The following LMO4 variants were observed in gnomAD, a reference collection of about 807,000 sequenced individuals.
LMO4 encodes the protein LIM domain only 4, also known as LIM domain transcription factor LMO4.
A neutral mutation model predicts 18.5 loss-of-function variants in LMO4; 3 were observed. The ratio of observed to expected loss-of-function variants is 0.16; its 90% CI spans 0.07 to 0.42. The LOEUF is 0.42. LMO4 is among the 10% of genes least tolerant of loss of function. The probability of loss-of-function intolerance (pLI) is 0.99; values close to 1 mark genes in which losing one functional copy is unlikely to be tolerated. For synonymous variants in LMO4, 100 were observed against 88.1 expected, an observed-to-expected ratio of 1.14 and a Z score of -0.76; for missense variants, 121 against 219.9, an observed-to-expected ratio of 0.55 and a Z score of 2.84.
intron 2 of LMO4, among the ~76,000 whole-genome samples, chr1:87,332,614 G>C (rs917223447): frequency 1.3e-5 from 2 of 152,102 alleles, no homozygotes; most frequent in Admixed American, 1.3e-4. Context: ...AAACAAGGTA[G>C]GAACTCACAG....
intron 2 of LMO4, among the ~76,000 whole-genome samples, chr1:87,336,977 AACAC>A (rs543810100): frequency 2.0e-5 from 3 of 151,878 alleles, no homozygotes; most frequent in South Asian, 2.1e-4. Flanking sequence ...GTTGTGAAAA[AACAC>A]ACACACACAC....
chr1:87,344,552 T>C (rs1256519564), intron 4 of LMO4, among the ~76,000 whole-genome samples: 1 of 152,208 alleles, frequency 6.6e-6, no homozygotes, highest in African/African-American at 2.4e-5. Flanking sequence ...CCAGAAACTT[T>C]CTGAGCGTCC....
At chr1:87,331,788 G>T (rs1557612806) in intron 1 of LMO4, 1 of 557,354 alleles carries the variant, frequency 1.8e-6, no homozygotes. Flanking sequence ...AGAGGAGCTC[G>T]TGGCCCCAGA....
intron 2 of LMO4, among the ~76,000 whole-genome samples, chr1:87,334,510 G>C (rs1011218820): frequency 2.0e-5 from 3 of 152,202 alleles, no homozygotes; most frequent in African/African-American, 7.2e-5. Flanking sequence ...AGCTTTCAAT[G>C]CCGCAGGGAC....
chr1:87,332,356 GCCTTCACCTC>G, intron 2 of LMO4, 105 bp downstream of exon 2: 1 of 802,640 alleles, frequency 1.2e-6, no homozygotes, highest in Admixed American at 2.7e-5. Context: ...GGAGTATGCA[GCCTTCACCTC>G]AAAAATCTTC....
intron 2 of LMO4, among the ~76,000 whole-genome samples, chr1:87,337,612 G>T (rs551799405): frequency 6.6e-6 from 1 of 152,310 alleles, no homozygotes; most frequent in African/African-American, 2.4e-5. Context: ...TCCTCAGCAT[G>T]TATTTGGCCA....
intron 2 of LMO4, 37 bp from the exon 3 acceptor site, chr1:87,339,499 A>G (rs748982082): frequency 6.8e-7 from 1 of 1,462,432 alleles, no homozygotes. Flanking sequence ...TTGGTTTAGG[A>G]TTATTCACTG....
chr1:87,331,844 C>A, intron 1 of LMO4, 169 bp from the exon 2 acceptor site: 3 of 582,600 alleles, frequency 5.1e-6, no homozygotes, highest in South Asian at 2.3e-5. Flanking sequence ...CGGCGAGCCT[C>A]CCTTCTTCCC....
intron 4 of LMO4, among the ~76,000 whole-genome samples, chr1:87,341,040 G>T (rs570529005): frequency 3.3e-5 from 5 of 152,268 alleles, no homozygotes; most frequent in Admixed American, 6.5e-5. Context: ...ATGCAAGTGA[G>T]TGCATTTTGA....
rs1650595882 is a variant in LMO4, at chr1:87,345,325, A to C, written c.*529A>C. 1 of 152,746 alleles carries C rather than the reference A, an allele frequency of 6.5e-6. No homozygotes were observed. Among genetic ancestry groups the C allele is most frequent in the African/African-American group, 2.4e-5 (1 of 41,422 alleles). 9.5% of individuals were successfully genotyped at this position (152,746 alleles called of 1,614,324 possible). A position where few individuals can be genotyped will look rare whatever the true frequency, so the allele number is the denominator to read the frequency against. On this transcript the variant is annotated 3_prime_UTR_variant, in exon 5 of 5. Transcript: ENST00000370544. ...TCACAAACACTTATTGTATCTCTGTAAAATACAATGTATGTATGCATGTAA... is the reference window on the plus strand; with the variant it reads ...TCACAAACACTTATTGTATCTCTGTCAAATACAATGTATGTATGCATGTAA...
At chr1:87,329,373 G>A (rs959618372) in intron 1 of LMO4, 129 bp downstream of exon 1, 7 of 152,248 alleles carry the variant, frequency 4.6e-5, no homozygotes, top group Admixed American at 1.3e-4. Context: ...ACAATACGTC[G>A]GCTTAGATAA....
intron 2 of LMO4, among the ~76,000 whole-genome samples, chr1:87,333,304 TAAAA>T (rs925938543): frequency 6.7e-6 from 1 of 148,924 alleles, no homozygotes; most frequent in African/African-American, 2.5e-5. Flanking sequence ...ATCCAGTAAT[TAAAA>T]AAAAAACCCA....
intron 2 of LMO4, among the ~76,000 whole-genome samples, chr1:87,338,295 C>T (rs1228630240): frequency 6.6e-6 from 1 of 152,194 alleles, no homozygotes; most frequent in Non-Finnish European, 1.5e-5. Flanking sequence ...CCTGGTTTGA[C>T]ACAGACTGCA....
At chr1:87,340,504 C>G (rs1650446842) in intron 4 of LMO4, among the ~76,000 whole-genome samples, 1 of 152,112 alleles carries the variant, frequency 6.6e-6, no homozygotes, top group Non-Finnish European at 1.5e-5. Context: ...TTATTTATTC[C>G]ATTTGACAAT....
Position 87,348,482 on chromosome 1 carries a change from C to G in LMO4, c.*3686C>G, listed in dbSNP as rs977399129. 2 of 304,922 alleles carry G rather than the reference C, an allele frequency of 6.6e-6. No homozygotes were observed. The highest frequency in any genetic ancestry group is 4.3e-5 in the African/African-American group (2 of 46,182). The allele number at this position is 304,922 out of a possible 1,614,324, so 18.9% of individuals were successfully genotyped here. On this transcript the variant is annotated 3_prime_UTR_variant, in exon 5 of 5. Transcript: ENST00000370544. ...CTGCAATTAAAGTATTACTGAGCAG[C>G]CATTTTAGATTGGCAGTGCTCTGAA...
Position 87,348,539 on chromosome 1 carries a change from C to G in LMO4, c.*3743C>G, listed in dbSNP as rs780964837. The G allele has an allele frequency of 1.3e-5, 5 of 370,982 alleles. No individual in the cohort carries two copies. Among genetic ancestry groups the G allele is most frequent in the Admixed American group, 6.2e-5 (2 of 32,124 alleles). The allele number at this position is 370,982 out of a possible 1,614,324, so 23.0% of individuals were successfully genotyped here. ...TTAAACAGCCAGCTACTCCCACTTGCAGAGTCTGAGATCTGACTAGCAGCA... is the reference window on the plus strand; with the variant it reads ...TTAAACAGCCAGCTACTCCCACTTGGAGAGTCTGAGATCTGACTAGCAGCA... On this transcript the variant is annotated 3_prime_UTR_variant, in exon 5 of 5. Transcript: ENST00000370544.
At chr1:87,341,336 A>G (rs766367995) in intron 4 of LMO4, among the ~76,000 whole-genome samples, 2 of 152,174 alleles carry the variant, frequency 1.3e-5, no homozygotes, top group East Asian at 1.9e-4. Context: ...TCATTAACCC[A>G]GGCAATCACA....
intron 4 of LMO4, among the ~76,000 whole-genome samples, chr1:87,342,379 T>C (rs112944477): frequency 1.2e-3 from 176 of 152,296 alleles, no homozygotes; most frequent in Non-Finnish European, 2.0e-3. Context: ...GTTTACCTGT[T>C]GATGAGATTA....
chr1:87,341,448 C>CA (rs549833683), intron 4 of LMO4, among the ~76,000 whole-genome samples: 55 of 150,814 alleles, frequency 3.6e-4, no homozygotes, highest in African/African-American at 4.9e-4. Context: ...GTAAGGATCA[C>CA]AAAAAAAACA....
Sources: gnomAD v4.1 joint callset for allele counts (sites outside exome capture counted in the v4.1 genomes callset) on GRCh38, gnomAD v4.1.1 for gene constraint, MANE v1.5 for transcripts, NCBI Gene and HGNC (gene_info 2026-07-23, HGNC 2026-07-21) for gene names.